KCNN2: variants seen among roughly 807,000 people sequenced by gnomAD.
The protein encoded by KCNN2 is potassium calcium-activated channel subfamily N member 2.
Under a neutral mutation model 55.5 loss-of-function variants are expected in KCNN2, and 24 were observed. The observed-to-expected ratio is 0.43, with a 90% confidence interval of 0.31 to 0.61. The LOEUF (loss-of-function observed/expected upper bound fraction) is 0.61. KCNN2 is among the 20% of genes least tolerant of loss of function. KCNN2 has a pLI of 0.08. For missense variants in KCNN2, 754 were observed against 853.6 expected (o/e 0.88, Z 1.45); for synonymous variants, 431 against 336.1 (o/e 1.28, Z -3.09).
At chr5:114,170,743 A>G (rs115402522) in intron 1 of KCNN2, among the ~76,000 whole-genome samples, 1 of 151,928 alleles carries the variant, frequency 6.6e-6, no homozygotes, top group Admixed American at 6.6e-5. Context: ...TTTTCCAAAA[A>G]CCTAGTCATT....
At chr5:114,074,293 C>CGTGTGTGTGTGTGT (rs371882287) in intron 1 of KCNN2, among the ~76,000 whole-genome samples, 6 of 144,510 alleles carry the variant, frequency 4.2e-5, no homozygotes, top group Non-Finnish European at 9.0e-5. Flanking sequence ...GCCATGTTTG[C>CGTGTGTGTGTGTGT]GTGTGTGTGT....
Position 114,082,601 on chromosome 5 carries a change from A to G in KCNN2, c.-271+26101A>G, listed in dbSNP as rs1351171295. ...TTCTACTTCTGGATATACGTCCAAAAGAAAGCAAGGTCTTGAAAAGTATGT... is the reference window on the plus strand; with the variant it reads ...TTCTACTTCTGGATATACGTCCAAAGGAAAGCAAGGTCTTGAAAAGTATGT... On this transcript the variant is annotated intron_variant, in intron 1 of 10. Transcript: ENST00000512097. 2.0e-5 allele frequency among the ~76,000 whole-genome samples: 3 copies of G among 152,214 alleles called. No individual in the cohort carries two copies. In the East Asian group the frequency reaches 5.8e-4, roughly 29 times the overall value.
chr5:114,060,855 A>G (rs1375810677), intron 1 of KCNN2, among the ~76,000 whole-genome samples: 1 of 152,220 alleles, frequency 6.6e-6, no homozygotes, highest in Non-Finnish European at 1.5e-5. Flanking sequence ...TTAATTGTCA[A>G]TGCTGTCTTT....
At chr5:114,263,647 A>G (rs1755155047) in intron 2 of KCNN2, among the ~76,000 whole-genome samples, 1 of 152,102 alleles carries the variant, frequency 6.6e-6, no homozygotes, top group African/African-American at 2.4e-5. Context: ...TTCTGTTTGT[A>G]AAAAAATTTT....
chr5:114,078,487 G>C (rs1397618298), intron 1 of KCNN2, among the ~76,000 whole-genome samples: 1 of 152,150 alleles, frequency 6.6e-6, no homozygotes, highest in African/African-American at 2.4e-5. Context: ...TACCATCCAG[G>C]ATCCTTCCCT....
intron 1 of KCNN2, among the ~76,000 whole-genome samples, chr5:114,170,591 C>T (rs1753012257): frequency 6.6e-6 from 1 of 151,954 alleles, no homozygotes; most frequent in African/African-American, 2.4e-5. Flanking sequence ...ACACAGTAAA[C>T]ACATTTTCCT....
chr5:114,204,375 CAATAAAA>C (rs1169123502), intron 1 of KCNN2, among the ~76,000 whole-genome samples: 1 of 152,044 alleles, frequency 6.6e-6, no homozygotes, highest in Non-Finnish European at 1.5e-5. Flanking sequence ...TTAACAACCT[CAATAAAA>C]AATAAAAAAT....
chr5:114,148,964 C>T (rs750762753), intron 1 of KCNN2, among the ~76,000 whole-genome samples: 5 of 152,012 alleles, frequency 3.3e-5, no homozygotes, highest in Non-Finnish European at 7.4e-5. Context: ...TCAGCCCAAC[C>T]AGAAATAGGA....
chr5:114,188,976 A>C (rs1347355738), intron 1 of KCNN2, among the ~76,000 whole-genome samples: 1 of 152,162 alleles, frequency 6.6e-6, no homozygotes, highest in Non-Finnish European at 1.5e-5. Flanking sequence ...ATGAAGGTTC[A>C]AGGAATTGAG....
chr5:114,493,861 G>T (rs1747980624), intron 7 of KCNN2, among the ~76,000 whole-genome samples: 2 of 152,030 alleles, frequency 1.3e-5, no homozygotes, highest in Admixed American at 6.6e-5. Flanking sequence ...ATTAAATTTT[G>T]TCCTATGTAT....
At position 114,135,544 on chromosome 5, in the gene KCNN2, A is replaced by T. The variant is rs183679730; in HGVS notation, c.-271+79044A>T. 9.4e-4 allele frequency among the ~76,000 whole-genome samples: 143 copies of T among 152,306 alleles called. 1 individual carries two copies. Among genetic ancestry groups the T allele is most frequent in the Non-Finnish European group, 1.6e-3 (112 of 68,026 alleles). ...ATTTCCAACAAGCCTAACATACAAC[A>T]TCTAAAAATACCAATATCAGGGTTT... On this transcript the variant is annotated intron_variant, in intron 1 of 10. Transcript: ENST00000512097.
intron 2 of KCNN2, among the ~76,000 whole-genome samples, chr5:114,374,090 C>G (rs1322384998): frequency 6.6e-6 from 1 of 152,132 alleles, no homozygotes; most frequent in East Asian, 1.9e-4. Context: ...GTTAGGCTGA[C>G]AGTTTGCACC....
At chr5:114,186,500 AATTAT>A (rs1299608239) in intron 1 of KCNN2, among the ~76,000 whole-genome samples, 5 of 152,144 alleles carry the variant, frequency 3.3e-5, no homozygotes, top group Non-Finnish European at 5.9e-5. Context: ...AGAACTAATA[AATTAT>A]TTAATAAGGC....
At chr5:114,115,490 G>A (rs959035442) in intron 1 of KCNN2, among the ~76,000 whole-genome samples, 2 of 151,986 alleles carry the variant, frequency 1.3e-5, no homozygotes, top group African/African-American at 2.4e-5. Flanking sequence ...CTACCTAATC[G>A]CTTGGGTAAC....
intron 2 of KCNN2, among the ~76,000 whole-genome samples, chr5:114,300,731 T>C (rs1454130085): frequency 6.6e-6 from 1 of 152,250 alleles, no homozygotes; most frequent in Non-Finnish European, 1.5e-5. Flanking sequence ...TGTATCCACA[T>C]ATTTTTAAAG....
At chr5:114,096,551 G>A (rs992614867) in intron 1 of KCNN2, among the ~76,000 whole-genome samples, 2 of 152,080 alleles carry the variant, frequency 1.3e-5, no homozygotes, top group African/African-American at 4.8e-5. Context: ...TCTGTCAGGC[G>A]CTATGGTGCA....
intron 1 of KCNN2, among the ~76,000 whole-genome samples, chr5:114,165,479 T>A (rs1022424918): frequency 6.6e-6 from 1 of 152,196 alleles, no homozygotes; most frequent in Admixed American, 6.6e-5. Context: ...TTACTTAATA[T>A]GGGGTGTGAA....
chr5:114,378,074 G>A (rs1002406711), intron 2 of KCNN2, among the ~76,000 whole-genome samples: 1 of 152,174 alleles, frequency 6.6e-6, no homozygotes, highest in Admixed American at 6.5e-5. Context: ...GGGACATTGG[G>A]CAGAGAAGGC....
At chr5:114,212,423 C>A (rs1182903747) in intron 1 of KCNN2, among the ~76,000 whole-genome samples, 2 of 151,930 alleles carry the variant, frequency 1.3e-5, no homozygotes, top group Non-Finnish European at 2.9e-5. Flanking sequence ...GGGGTAGTTT[C>A]TTTCAGTGGT....
Sources: gnomAD v4.1 joint callset for allele counts (sites outside exome capture counted in the v4.1 genomes callset) on GRCh38, gnomAD v4.1.1 for gene constraint, MANE v1.5 for transcripts, NCBI Gene and HGNC (gene_info 2026-07-23, HGNC 2026-07-21) for gene names.